Variants in ANGPTL4 observed in about 807,000 individuals in gnomAD.
The protein encoded by ANGPTL4 is angiopoietin like 4.
A neutral mutation model predicts 39.2 loss-of-function variants in ANGPTL4; 39 were observed. The observed-to-expected ratio is 1.00, with a 90% CI of 0.77 to 1.30. ANGPTL4 has a LOEUF of 1.30. Among genes scored for constraint, ANGPTL4 ranks in the 50% most tolerant of loss-of-function variants. The probability of loss-of-function intolerance (pLI) is 0.00; values close to 1 mark genes in which losing one functional copy is unlikely to be tolerated. For missense variants in ANGPTL4, 545 were observed against 549.8 expected (o/e 0.99, Z 0.09); for synonymous variants, 233 against 229.5 (o/e 1.02, Z -0.14).
At chr19:8,370,915 C>A (rs1325767602) in intron 4 of ANGPTL4, 141 bp from the exon 5 acceptor site, 8 of 915,920 alleles carry the variant, frequency 8.7e-6, no homozygotes, top group Non-Finnish European at 1.4e-5. Context: ...TCTGACCCAC[C>A]CTCCTCGAGT....
chr19:8,365,498 T>C (rs1308756753), intron 1 of ANGPTL4, among the ~76,000 whole-genome samples: 1 of 147,332 alleles, frequency 6.8e-6, no homozygotes, highest in Admixed American at 6.8e-5. Context: ...TAATAATAAA[T>C]AAAATAAAAT....
In ANGPTL4 at chr19:8,364,599, C is replaced by A; in HGVS notation, c.278C>A (p.Pro93His). ...TEGSTDLPLA[P>H]ESRVDPEVLH... ...GGGTCCACCGACCTCCCGTTAGCCCCTGAGAGCCGGGTGGACCCTGAGGTC... is the reference window on the plus strand; with the variant it reads ...GGGTCCACCGACCTCCCGTTAGCCCATGAGAGCCGGGTGGACCCTGAGGTC... The change falls in exon 1 of 7, where the codon CCT becomes CAT. Residue 93 changes from proline to histidine, a missense_variant. Coordinates refer to ENST00000301455, the MANE Select transcript of ANGPTL4 (RefSeq NM_139314.3). 6.3e-7 allele frequency: 1 copy of A among 1,593,134 alleles called. No individual in the cohort carries two copies. The highest frequency in any genetic ancestry group is 1.1e-5 in the South Asian group (1 of 87,778).
In ANGPTL4 at chr19:8,373,936, C is replaced by T. The variant is rs1456282653; in HGVS notation, c.*50C>T. The T allele has an allele frequency of 3.1e-6, 5 of 1,597,430 alleles. No individual in the cohort carries two copies. In the Admixed American group the frequency reaches 6.7e-5, roughly 21 times the overall value. Reference sequence around the variant, plus strand: ...GCCCACGAAAGACGGTGACTCTTGGCTCTGCCCGAGGATGTGGCCGTTCCC... The same window carrying T: ...GCCCACGAAAGACGGTGACTCTTGGTTCTGCCCGAGGATGTGGCCGTTCCC... On this transcript the variant is annotated 3_prime_UTR_variant, in exon 7 of 7. Transcript: ENST00000301455.
At chr19:8,369,455 CTTTTTTTTT>C in intron 4 of ANGPTL4, 123 bp downstream of exon 4, 2 of 324,994 alleles carry the variant, frequency 6.2e-6, no homozygotes, top group Non-Finnish European at 1.1e-5. Context: ...CCAAGCTGGT[CTTTTTTTTT>C]TTTTTTTTTT....
chr19:8,371,130 G>A lies in ANGPTL4; in HGVS notation c.736G>A (p.Ala246Thr). ...CAACCGGCCCTGGGAAGCCTACAAG[G>A]CGGGGTTTGGGGATCCCCACGGTAG... is the stretch of plus-strand genomic sequence containing the variant. ...DFNRPWEAYK[A>T]GFGDPHGEFW... The change falls in exon 5 of 7, where the codon GCG (alanine) becomes ACG (threonine). Residue 246 changes from alanine to threonine, a missense_variant. Coordinates refer to ENST00000301455, the MANE Select transcript of ANGPTL4 (RefSeq NM_139314.3). The surrounding 1 kb of genome is among the most constrained non-coding windows in gnomAD (Gnocchi z 5.1). 1 of 1,613,252 alleles carries A rather than the reference G, an allele frequency of 6.2e-7. No individual in the cohort carries two copies. Among genetic ancestry groups the A allele is most frequent in the Non-Finnish European group, 8.5e-7 (1 of 1,179,610 alleles).
intron 3 of ANGPTL4, among the ~76,000 whole-genome samples, chr19:8,367,425 G>A (rs912017012): frequency 5.3e-5 from 8 of 152,180 alleles, no homozygotes; most frequent in Non-Finnish European, 1.2e-4. Flanking sequence ...CTGGGAAGGC[G>A]AACAGCTGGC....
intron 3 of ANGPTL4, 95 bp from the exon 4 acceptor site, chr19:8,369,124 G>C: frequency 1.1e-6 from 1 of 936,722 alleles, no homozygotes; most frequent in Non-Finnish European, 1.7e-6. Flanking sequence ...TACTTCCCTG[G>C]TCATCCACTG....
rs776816866 is a variant in ANGPTL4 at position 8,366,206 on chromosome 19, G to A, written c.434G>A (p.Gly145Asp). Reference sequence around the variant, plus strand: ...CCTCCTCCCGTCCCATCCTAGTTTGGCCTCCTGGACCACAAGCACCTAGAC... The same window carrying A: ...CCTCCTCCCGTCCCATCCTAGTTTGACCTCCTGGACCACAAGCACCTAGAC... ...LRIQHLQSQF[G>D]LLDHKHLDHE... The change falls in exon 3 of 7, where the codon GGC becomes GAC. Residue 145 changes from glycine to aspartate, a missense_variant. By Grantham distance (94) the Gly-to-Asp change is moderately conservative (BLOSUM62 -1). Transcript: ENST00000301455. The A allele has an allele frequency of 4.3e-6, 7 of 1,614,086 alleles. No homozygotes were observed. In the East Asian group the frequency reaches 6.7e-5, roughly 15 times the overall value.
At chr19:8,366,157 G>A (rs1474203167) in intron 2 of ANGPTL4, 45 bp from the exon 3 acceptor site, 7 of 1,611,100 alleles carry the variant, frequency 4.3e-6, no homozygotes, top group African/African-American at 1.3e-5. Flanking sequence ...GGCTGGGGAC[G>A]TGGGGCCAGG....
At chr19:8,367,045 G>A (rs1971021028) in intron 3 of ANGPTL4, among the ~76,000 whole-genome samples, 1 of 152,038 alleles carries the variant, frequency 6.6e-6, no homozygotes, top group Admixed American at 6.6e-5. Flanking sequence ...GTTTCTCTGT[G>A]GTCCTCATCC....
intron 3 of ANGPTL4, among the ~76,000 whole-genome samples, chr19:8,368,995 A>G (rs901568551): frequency 6.6e-6 from 1 of 152,172 alleles, no homozygotes; most frequent in Non-Finnish European, 1.5e-5. Context: ...CAGGAGGAGG[A>G]TGGGCACGGG....
chr19:8,372,955 TC>T (rs1971153165), intron 6 of ANGPTL4, among the ~76,000 whole-genome samples: 1 of 151,492 alleles, frequency 6.6e-6, no homozygotes, highest in Admixed American at 6.6e-5. Flanking sequence ...AGGCCCTGTC[TC>T]AAAAAAAATT....
At chr19:8,373,638 T>C in intron 6 of ANGPTL4, 67 bp from the exon 7 acceptor site, 1 of 1,609,894 alleles carries the variant, frequency 6.2e-7, no homozygotes, top group Non-Finnish European at 8.5e-7. Context: ...ACCCTATCCC[T>C]ATCTCCTTTC....
rs773846071 is a variant in ANGPTL4 at position 8,371,569 on chromosome 19, T to G, written c.1039+47T>G. The G allele has an allele frequency of 1.2e-6, 2 of 1,609,928 alleles. No individual in the cohort carries two copies. The highest frequency in any genetic ancestry group is 2.7e-5 in the African/African-American group (2 of 74,890). On this transcript the variant is annotated intron_variant, in intron 6 of 6. Coordinates refer to ENST00000301455, the MANE Select transcript of ANGPTL4 (RefSeq NM_139314.3). This position sits in a 1 kb window ranked among gnomAD's most constrained non-coding sequence, Gnocchi z 5.1. ...ACACCCAGCCAGCAGCTTCCCTCCTTATCTTTCTGCTGCTCTGTCCTGCCT... is the reference window on the plus strand; with the variant it reads ...ACACCCAGCCAGCAGCTTCCCTCCTGATCTTTCTGCTGCTCTGTCCTGCCT...
intron 4 of ANGPTL4, among the ~76,000 whole-genome samples, chr19:8,370,520 C>T (rs1971093611): frequency 6.6e-6 from 1 of 152,074 alleles, no homozygotes; most frequent in Non-Finnish European, 1.5e-5. Context: ...CAAGACCAGC[C>T]TGGCCAACAT....
In ANGPTL4 at chr19:8,371,335, C is replaced by T. The variant is rs754818405; in HGVS notation, c.852C>T (p.Ala284=). The change falls in exon 6 of 7, where the codon GCC becomes GCT. Residue 284 remains alanine (A), a synonymous_variant. Transcript: ENST00000301455. This position sits in a 1 kb window ranked among gnomAD's most constrained non-coding sequence, Gnocchi z 5.1. Reference sequence around the variant, plus strand: ...AGCTGCGGGACTGGGATGGCAACGCCGAGTTGCTGCAGTTCTCCGTGCACC... The same window carrying T: ...AGCTGCGGGACTGGGATGGCAACGCTGAGTTGCTGCAGTTCTCCGTGCACC... ...AVQLRDWDGN[A]ELLQFSVHLG... The T allele has an allele frequency of 9.9e-6, 16 of 1,613,796 alleles. No individual in the cohort carries two copies. The East Asian group carries it at 2.0e-4, about 20-fold the overall frequency.
intron 3 of ANGPTL4, among the ~76,000 whole-genome samples, chr19:8,367,553 C>G (rs535943947): frequency 2.6e-5 from 4 of 152,240 alleles, no homozygotes; most frequent in Admixed American, 2.6e-4. Context: ...TCACTCTGGG[C>G]CCGCCCCCAC....
At chr19:8,367,058 C>T (rs367658171) in intron 3 of ANGPTL4, among the ~76,000 whole-genome samples, 62 of 152,198 alleles carry the variant, frequency 4.1e-4, no homozygotes, top group African/African-American at 1.4e-3. Context: ...CCTCATCCTT[C>T]CCTGCATCTG....
chr19:8,368,261 G>A (rs999154617), intron 3 of ANGPTL4, among the ~76,000 whole-genome samples: 5 of 151,942 alleles, frequency 3.3e-5, no homozygotes, highest in Admixed American at 6.6e-5. Flanking sequence ...CGATCCGCCC[G>A]CCTCCCAAAG....
Sources: gnomAD v4.1 joint callset for allele counts (sites outside exome capture counted in the v4.1 genomes callset) on GRCh38, gnomAD v4.1.1 for gene constraint, Gnocchi (gnomAD v3.1) non-coding constraint, MANE v1.5 for transcripts, NCBI Gene and HGNC (gene_info 2026-07-23, HGNC 2026-07-21) for gene names.